Variants in SIPA1L1 observed in about 807,000 individuals in gnomAD.
The protein encoded by SIPA1L1 is signal induced proliferation associated 1 like 1.
SIPA1L1 carries 26 observed loss-of-function variants against 162.7 expected under a neutral mutation model. The observed-to-expected ratio is 0.16, with a 90% CI of 0.12 to 0.22. SIPA1L1 has a LOEUF of 0.22. Among genes scored for constraint, SIPA1L1 ranks in the 10% least tolerant of loss-of-function variants. SIPA1L1 has a pLI of 1.00. For missense variants in SIPA1L1, 1,874 were observed against 2,241.0 expected (o/e 0.84, Z 3.31); for synonymous variants, 829 against 837.4 (o/e 0.99, Z 0.17).
intron 2 of SIPA1L1, among the ~76,000 whole-genome samples, chr14:71,465,947 A>G (rs1297576636): frequency 6.6e-6 from 1 of 152,136 alleles, no homozygotes; most frequent in Non-Finnish European, 1.5e-5. Context: ...CTGCCTGCTT[A>G]TATTCACTGA....
At chr14:71,719,498 A>G (rs1212894731) in intron 17 of SIPA1L1, among the ~76,000 whole-genome samples, 5 of 152,198 alleles carry the variant, frequency 3.3e-5, no homozygotes, top group Non-Finnish European at 7.4e-5. Context: ...ATGGTCCTTC[A>G]TTGTGGTTTT....
intron 2 of SIPA1L1, among the ~76,000 whole-genome samples, chr14:71,384,612 C>G (rs1228763263): frequency 1.3e-5 from 2 of 152,102 alleles, no homozygotes; most frequent in East Asian, 3.9e-4. Flanking sequence ...AAAACATTTG[C>G]CATGTTGTGG....
At chr14:71,547,163 A>G (rs2055295953) in intron 4 of SIPA1L1, among the ~76,000 whole-genome samples, 2 of 151,880 alleles carry the variant, frequency 1.3e-5, no homozygotes, top group South Asian at 4.1e-4. Context: ...ATGGAATGTT[A>G]TATGTGTTAG....
At chr14:71,437,030 C>T (rs2044440050) in intron 2 of SIPA1L1, among the ~76,000 whole-genome samples, 1 of 152,024 alleles carries the variant, frequency 6.6e-6, no homozygotes, top group Non-Finnish European at 1.5e-5. Flanking sequence ...TCCCAAAGTG[C>T]TGGGATTACA....
chr14:71,437,622 A>G (rs1484876983), intron 2 of SIPA1L1, among the ~76,000 whole-genome samples: 1 of 152,128 alleles, frequency 6.6e-6, no homozygotes, highest in Non-Finnish European at 1.5e-5. Context: ...TGGACTTCCC[A>G]AAGTGCTGGG....
At chr14:71,447,198 G>A (rs995553403) in intron 2 of SIPA1L1, among the ~76,000 whole-genome samples, 2 of 151,926 alleles carry the variant, frequency 1.3e-5, no homozygotes, top group African/African-American at 4.8e-5. Context: ...ACAGGCATGA[G>A]CCACCACGCT....
chr14:71,421,759 G>A (rs1034908164), intron 2 of SIPA1L1, among the ~76,000 whole-genome samples: 10 of 151,974 alleles, frequency 6.6e-5, no homozygotes, highest in African/African-American at 2.4e-4. Context: ...TATTGGAGAT[G>A]CAATTACCTG....
intron 2 of SIPA1L1, among the ~76,000 whole-genome samples, chr14:71,456,107 A>G (rs1174168173): frequency 1.3e-5 from 2 of 152,230 alleles, no homozygotes; most frequent in African/African-American, 2.4e-5. Flanking sequence ...GTTTTTAACA[A>G]TCCTCTGAGA....
intron 13 of SIPA1L1, among the ~76,000 whole-genome samples, chr14:71,695,012 T>G (rs117833316): frequency 6.6e-6 from 1 of 152,318 alleles, no homozygotes; most frequent in East Asian, 1.9e-4. Flanking sequence ...AGTGGCAGGA[T>G]AGCAATCAGC....
chr14:71,685,877 G>A (rs2046249907), intron 13 of SIPA1L1, among the ~76,000 whole-genome samples: 1 of 152,200 alleles, frequency 6.6e-6, no homozygotes, highest in African/African-American at 2.4e-5. Context: ...TAATTTCCGT[G>A]TGATTATCAA....
chr14:71,643,408 A>G (rs2041896927), intron 7 of SIPA1L1, among the ~76,000 whole-genome samples: 1 of 152,220 alleles, frequency 6.6e-6, no homozygotes, highest in Admixed American at 6.5e-5. Context: ...TAAAGATCCC[A>G]AAGAGCTTTT....
chr14:71,540,589 A>T (rs1044769781), intron 4 of SIPA1L1, among the ~76,000 whole-genome samples: 4 of 152,306 alleles, frequency 2.6e-5, no homozygotes, highest in Admixed American at 6.5e-5. Flanking sequence ...AACAAAAAAA[A>T]GGTTGTGTCA....
At chr14:71,329,275 C>T (rs955521389) in intron 2 of SIPA1L1, among the ~76,000 whole-genome samples, 2 of 152,116 alleles carry the variant, frequency 1.3e-5, no homozygotes, top group Non-Finnish European at 2.9e-5. Flanking sequence ...TACCCAGAAG[C>T]GGGATTGCTG....
intron 13 of SIPA1L1, among the ~76,000 whole-genome samples, chr14:71,688,694 C>T (rs958433898): frequency 6.6e-6 from 1 of 152,132 alleles, no homozygotes; most frequent in African/African-American, 2.4e-5. Context: ...GTCCTGAGTG[C>T]CATTTACAAT....
At chr14:71,605,706 C>T (rs955771118) in intron 5 of SIPA1L1, among the ~76,000 whole-genome samples, 5 of 152,186 alleles carry the variant, frequency 3.3e-5, no homozygotes, top group Non-Finnish European at 7.3e-5. Flanking sequence ...GGAGGCTCTG[C>T]TGAACTTTTG....
chr14:71,601,023 A>G (rs2148005404), intron 5 of SIPA1L1, among the ~76,000 whole-genome samples: 1 of 152,270 alleles, frequency 6.6e-6, no homozygotes, highest in Non-Finnish European at 1.5e-5. Flanking sequence ...TTTTCTAGAT[A>G]TAAGATTATA....
intron 2 of SIPA1L1, among the ~76,000 whole-genome samples, chr14:71,448,491 A>G (rs1179757576): frequency 6.6e-6 from 1 of 152,208 alleles, no homozygotes; most frequent in Non-Finnish European, 1.5e-5. Context: ...CTGGAATTCT[A>G]TATTCTGAAA....
chr14:71,337,629 A>G (rs1292745602), intron 2 of SIPA1L1, among the ~76,000 whole-genome samples: 1 of 152,128 alleles, frequency 6.6e-6, no homozygotes, highest in Non-Finnish European at 1.5e-5. Flanking sequence ...ATTATCTCCC[A>G]CCGGCTCCCT....
Position 71,671,158 on chromosome 14 carries a change from G to A in SIPA1L1, c.2295G>A (p.Gly765=). 6.2e-7 allele frequency: 1 copy of A among 1,612,936 alleles called. No individual in the cohort carries two copies. Among genetic ancestry groups the A allele is most frequent in the Non-Finnish European group, 8.5e-7 (1 of 1,179,150 alleles). The change falls in exon 11 of 24, where the codon GGG becomes GGA. Residue 765 remains glycine (G), a synonymous_variant. Transcript: ENST00000381232. The stretch of plus-strand genomic sequence containing the variant: ...GGTCCAGAGATGTGCCTTCCTTTGG[G>A]CCTCCCATTCCTAAAGGGGTCACTT... ...VTRSRDVPSF[G]PPIPKGVTFP...
Sources: gnomAD v4.1 joint callset for allele counts (sites outside exome capture counted in the v4.1 genomes callset) on GRCh38, gnomAD v4.1.1 for gene constraint, MANE v1.5 for transcripts, NCBI Gene and HGNC (gene_info 2026-07-23, HGNC 2026-07-21) for gene names.